The following DMKN variants were observed in gnomAD, a reference collection of about 807,000 sequenced individuals.
DMKN encodes dermokine.
A neutral mutation model predicts 67.6 loss-of-function variants in DMKN; 58 were observed. The ratio of observed to expected loss-of-function variants is 0.86; its 90% CI spans 0.69 to 1.07. DMKN has a LOEUF of 1.07. DMKN is among the 50% of genes least tolerant of loss of function. The pLI is 0.00. For missense variants in DMKN, 596 were observed against 601.5 expected, an observed-to-expected ratio of 0.99 and a Z score of 0.10; for synonymous variants, 240 against 232.3, an observed-to-expected ratio of 1.03 and a Z score of -0.30.
intron 5 of DMKN, 151 bp from the exon 6 acceptor site, chr19:35,510,403 C>A: frequency 6.4e-7 from 1 of 1,552,328 alleles, no homozygotes; most frequent in South Asian, 1.2e-5. Flanking sequence ...GCCTGTTGGT[C>A]GCTGCAGGAA....
Position 35,513,562 on chromosome 19 carries a change from C to T in DMKN, c.-87G>A, listed in dbSNP as rs561889498. The stretch of plus-strand genomic sequence containing the variant: ...CCCTTGCTCTGCGTCTCTGTGCCCT[C>T]CTCTGTCCTCCTCCTTCCGACTCCC... On this transcript the variant is annotated 5_prime_UTR_variant, in exon 1 of 16. Transcript: ENST00000339686. 4.1e-6 allele frequency: 6 copies of T among 1,456,932 alleles called. No homozygotes were observed. In the South Asian group the frequency reaches 8.4e-5, roughly 20 times the overall value. 90.3% of individuals were successfully genotyped at this position (1,456,932 alleles called of 1,614,324 possible).
At position 35,498,963 on chromosome 19, in the gene DMKN, C is replaced by T. The variant is rs1382165035; in HGVS notation, c.1360-66G>A. On this transcript the variant is annotated intron_variant, in intron 13 of 15. Transcript: ENST00000339686. The stretch of plus-strand genomic sequence containing the variant: ...TCCCTGTACTCTGCCATGGCCTCCA[C>T]GCTCATGAAGGGCCCAGCAGCAAGG... 1.4e-5 allele frequency: 23 copies of T among 1,612,088 alleles called. No homozygotes were observed. In the South Asian group the frequency reaches 1.6e-4, roughly 12 times the overall value.
At chr19:35,506,399 C>T (rs912406089) in intron 7 of DMKN, 2 of 638,498 alleles carry the variant, frequency 3.1e-6, no homozygotes, top group Non-Finnish European at 5.7e-6. Context: ...CCCACCCAGT[C>T]CCCTGAATCT....
At chr19:35,512,041 A>G (rs2070931174) in intron 3 of DMKN, among the ~76,000 whole-genome samples, 1 of 131,354 alleles carries the variant, frequency 7.6e-6, no homozygotes, top group South Asian at 2.3e-4. Flanking sequence ...TCTGTTGCTC[A>G]GGCTGGAGTG....
intron 7 of DMKN, chr19:35,508,141 G>T: frequency 6.5e-7 from 1 of 1,546,056 alleles, no homozygotes; most frequent in South Asian, 1.2e-5. Flanking sequence ...TGCTCCTGGA[G>T]AACAGACCTC....
intron 11 of DMKN, among the ~76,000 whole-genome samples, chr19:35,500,875 C>CA (rs2068238434): frequency 6.6e-6 from 1 of 152,220 alleles, no homozygotes; most frequent in African/African-American, 2.4e-5. Context: ...CATGCAGGCT[C>CA]CTCTGGGGCA....
chr19:35,510,482 C>T, intron 5 of DMKN: 1 of 1,551,272 alleles, frequency 6.4e-7, no homozygotes, highest in Non-Finnish European at 8.7e-7. Context: ...ATTTGGAGAA[C>T]CTGAGCTGCT....
At chr19:35,510,153 G>A (rs756986585) in intron 6 of DMKN, 31 bp downstream of exon 6, 3 of 1,590,402 alleles carry the variant, frequency 1.9e-6, no homozygotes, top group East Asian at 2.3e-5. Flanking sequence ...TCCTTCCCGC[G>A]GTTGGTGGGA....
At chr19:35,506,563 GTGACA>G (rs1195728792) in intron 7 of DMKN, 1 of 477,590 alleles carries the variant, frequency 2.1e-6, no homozygotes, top group East Asian at 6.4e-5. Flanking sequence ...TGGTCTGGTG[GTGACA>G]TGGAAAGCTG....
intron 9 of DMKN, chr19:35,503,301 G>A (rs1412018091): frequency 5.2e-6 from 8 of 1,524,970 alleles, no homozygotes; most frequent in Non-Finnish European, 6.2e-6. Flanking sequence ...CAGAGGCCAG[G>A]AGTGTGGGGC....
At chr19:35,511,657 C>T (rs944565800) in intron 4 of DMKN, 64 bp from the exon 5 acceptor site, 2 of 1,593,282 alleles carry the variant, frequency 1.3e-6, no homozygotes, top group Non-Finnish European at 1.7e-6. Context: ...GCCCCTCCTC[C>T]CTCCCTCTCC....
At chr19:35,512,135 T>C in intron 3 of DMKN, among the ~76,000 whole-genome samples, 1 of 151,872 alleles carries the variant, frequency 6.6e-6, no homozygotes, top group Non-Finnish European at 1.5e-5. Context: ...GTGGCTGCAA[T>C]TACAGGCGCA....
intron 11 of DMKN, 76 bp from the exon 12 acceptor site, chr19:35,500,656 C>T: frequency 1.3e-6 from 2 of 1,502,770 alleles, no homozygotes; most frequent in Admixed American, 2.0e-5. Context: ...GCCCCAGTTT[C>T]TCCCTCACCC....
At chr19:35,507,637 G>A (rs985837054) in intron 7 of DMKN, 1 of 776,398 alleles carries the variant, frequency 1.3e-6, no homozygotes, top group African/African-American at 1.7e-5. Context: ...GCATGACAGA[G>A]GACTTCCCAG....
In DMKN at chr19:35,502,881, C is replaced by G. The variant is rs757900991; in HGVS notation, c.1140G>C (p.Gln380His). Residue 380 changes from glutamine to histidine, a missense_variant, in exon 10 of 16, where the codon CAG (glutamine) becomes CAC (histidine). By Grantham distance (24) the Gln-to-His change is conservative (BLOSUM62 0). Transcript: ENST00000339686. ...FINWDAINKNQVPPPSTRALL... is the reference protein window; with the variant it reads ...FINWDAINKNHVPPPSTRALL... The stretch of plus-strand genomic sequence containing the variant: ...GGGCTCGGGTGCTGGGGGGCGGGAC[C>G]TGGTTCTGTGGATGAAAGGCGGGGA... 6.2e-7 allele frequency: 1 copy of G among 1,613,802 alleles called. No homozygotes were observed. The highest frequency in any genetic ancestry group is 1.3e-5 in the African/African-American group (1 of 74,886).
In DMKN at chr19:35,502,853, G is replaced by A. The variant is rs768645449; in HGVS notation, c.1168C>T (p.Leu390Phe). 4 of 1,614,102 alleles carry A rather than the reference G, an allele frequency of 2.5e-6. No homozygotes were observed. Among genetic ancestry groups the A allele is most frequent in the Non-Finnish European group, 2.5e-6 (3 of 1,179,998 alleles). The change falls in exon 10 of 16, where the codon CTC becomes TTC. Residue 390 changes from leucine to phenylalanine, a missense_variant. Coordinates refer to ENST00000339686, the MANE Select transcript of DMKN (RefSeq NM_033317.5). ...QVPPPSTRAL[L>F]YFSRLWEDFK... is the part of the protein sequence containing the mutation. Reference sequence around the variant, plus strand: ...ACCTCCCAGAGTCGGCTGAAGTAGAGGAGGGCTCGGGTGCTGGGGGGCGGG... The same window carrying A: ...ACCTCCCAGAGTCGGCTGAAGTAGAAGAGGGCTCGGGTGCTGGGGGGCGGG...
rs146822312 is a variant in DMKN at position 35,511,492 on chromosome 19, G to A, written c.837C>T (p.Gly279=). The change falls in exon 5 of 16, where the codon GGC becomes GGT. Residue 279 remains glycine (G), a synonymous_variant. Transcript: ENST00000339686. The part of the protein sequence containing the change: ...SGGSSSGSSS[G]GSSGGSSGGS... ...CACCACTGCTGCCGCCACTGCTGCC[G>A]CCACTGCTGCTGCCACTGCTGCTGC... The A allele has an allele frequency of 8.5e-5, 91 of 1,066,228 alleles. 2 individuals are homozygous for A. The highest frequency in any genetic ancestry group is 6.9e-4 in the African/African-American group (29 of 41,820). 66.0% of individuals were successfully genotyped at this position (1,066,228 alleles called of 1,614,324 possible).
At chr19:35,505,428 C>T (rs2069270679) in intron 9 of DMKN, among the ~76,000 whole-genome samples, 3 of 152,156 alleles carry the variant, frequency 2.0e-5, no homozygotes, top group South Asian at 4.1e-4. Context: ...CCTTAACCTT[C>T]CCCATCTCAA....
In DMKN at chr19:35,505,698, C is replaced by T. The variant is rs541868067; in HGVS notation, c.1134+20G>A. Reference sequence around the variant, plus strand: ...CTTTCTTCCCTATAGCCCTCTCCGACGAAGATGTCCAGCCCTTACCTTGTT... The same window carrying T: ...CTTTCTTCCCTATAGCCCTCTCCGATGAAGATGTCCAGCCCTTACCTTGTT... On this transcript the variant is annotated intron_variant, in intron 9 of 15. Coordinates refer to ENST00000339686, the MANE Select transcript of DMKN (RefSeq NM_033317.5). 7.4e-6 allele frequency: 12 copies of T among 1,614,162 alleles called. No individual in the cohort carries two copies. The highest frequency in any genetic ancestry group is 4.5e-5 in the East Asian group (2 of 44,882).
Sources: gnomAD v4.1 joint callset for allele counts (sites outside exome capture counted in the v4.1 genomes callset) on GRCh38, gnomAD v4.1.1 for gene constraint, MANE v1.5 for transcripts, NCBI Gene and HGNC (gene_info 2026-07-23, HGNC 2026-07-21) for gene names.